Variants in PTK2 observed in about 807,000 individuals in gnomAD.
PTK2 encodes the protein protein tyrosine kinase 2, also known as focal adhesion kinase 1.
A neutral mutation model predicts 150.1 loss-of-function variants in PTK2; 45 were observed. The ratio of observed to expected loss-of-function variants is 0.30; its 90% CI spans 0.24 to 0.38. The LOEUF is 0.38. Among genes scored for constraint, PTK2 ranks in the 10% least tolerant of loss-of-function variants. The probability of loss-of-function intolerance (pLI) is 1.00; values close to 1 mark genes in which losing one functional copy is unlikely to be tolerated. For synonymous variants in PTK2, 432 were observed against 449.2 expected, an observed-to-expected ratio of 0.96 and a Z score of 0.48; for missense variants, 919 against 1,307.3, an observed-to-expected ratio of 0.70 and a Z score of 4.58.
intron 1 of PTK2, among the ~76,000 whole-genome samples, chr8:140,971,222 A>G (rs1361762995): frequency 1.3e-5 from 2 of 152,262 alleles, no homozygotes; most frequent in African/African-American, 2.4e-5. Flanking sequence ...GTAAAAATAT[A>G]TGGGGAGCAG....
chr8:140,774,546 G>A (rs930654440), intron 14 of PTK2, among the ~76,000 whole-genome samples: 2 of 152,080 alleles, frequency 1.3e-5, no homozygotes, highest in Admixed American at 6.6e-5. Context: ...AGAGGCATCC[G>A]ACCCAGAACA....
chr8:140,816,286 T>C (rs970371820), intron 10 of PTK2, among the ~76,000 whole-genome samples: 11 of 152,312 alleles, frequency 7.2e-5, no homozygotes, highest in African/African-American at 2.6e-4. Context: ...ATGGAAGACC[T>C]ATCTGAAAAA....
intron 13 of PTK2, among the ~76,000 whole-genome samples, chr8:140,793,084 T>C (rs1257964869): frequency 1.3e-5 from 2 of 152,192 alleles, no homozygotes; most frequent in East Asian, 1.9e-4. Flanking sequence ...AGCAATAACA[T>C]ATGAAGCAAA....
chr8:140,857,381 G>A (rs1441818616), intron 5 of PTK2, among the ~76,000 whole-genome samples: 1 of 152,034 alleles, frequency 6.6e-6, no homozygotes, highest in Non-Finnish European at 1.5e-5. Flanking sequence ...TCAGCTCCTC[G>A]AATCTCCAAG....
intron 4 of PTK2, among the ~76,000 whole-genome samples, chr8:140,873,439 G>C (rs117811129): frequency 0.034 from 5,221 of 151,628 alleles, 122 homozygotes; most frequent in Non-Finnish European, 0.054. Context: ...TGTCTCTTGT[G>C]TATCTATTAC....
intron 22 of PTK2, among the ~76,000 whole-genome samples, chr8:140,720,176 C>T (rs2100042112): frequency 6.6e-6 from 1 of 151,972 alleles, no homozygotes; most frequent in African/African-American, 2.4e-5. Context: ...CAAAGCACAG[C>T]AATGCTTTCT....
chr8:140,669,312 T>C (rs906120314), intron 29 of PTK2: 73 of 120,652 alleles, frequency 6.1e-4, no homozygotes, highest in African/African-American at 2.5e-3. Flanking sequence ...TATATATATA[T>C]ATATATATAT....
At chr8:140,772,769 T>C (rs2100076254) in intron 14 of PTK2, among the ~76,000 whole-genome samples, 1 of 152,088 alleles carries the variant, frequency 6.6e-6, no homozygotes, top group Non-Finnish European at 1.5e-5. Flanking sequence ...AAAATATAAA[T>C]ATAGTGAAAT....
At chr8:140,830,581 G>T in intron 7 of PTK2, 55 bp from the exon 8 acceptor site, 6 of 1,039,754 alleles carry the variant, frequency 5.8e-6, no homozygotes, top group Non-Finnish European at 8.4e-6. Context: ...CAATTAATAT[G>T]ACAAACTTGC....
intron 18 of PTK2, among the ~76,000 whole-genome samples, chr8:140,745,406 G>C (rs992274199): frequency 6.6e-6 from 1 of 152,180 alleles, no homozygotes; most frequent in Non-Finnish European, 1.5e-5. Context: ...TAATTGATGA[G>C]AGAAATATTT....
chr8:140,742,009 G>A (rs920301638), intron 20 of PTK2, among the ~76,000 whole-genome samples: 1 of 152,160 alleles, frequency 6.6e-6, no homozygotes, highest in African/African-American at 2.4e-5. Context: ...GGTGGCGCAC[G>A]CCCGTAGTAC....
At chr8:140,675,657 T>C (rs552698304) in intron 27 of PTK2, 158 bp from the exon 31 acceptor site, 2 of 600,634 alleles carry the variant, frequency 3.3e-6, no homozygotes, top group Middle Eastern at 3.3e-4. Flanking sequence ...TCAGTTGGGG[T>C]GGGGGATCAG....
At chr8:140,767,404 T>G (rs2154554578) in intron 14 of PTK2, among the ~76,000 whole-genome samples, 1 of 152,268 alleles carries the variant, frequency 6.6e-6, no homozygotes, top group Middle Eastern at 3.4e-3. Flanking sequence ...ATCAACAATG[T>G]TGCAGGTAAA....
At chr8:140,900,032 C>T (rs562710157) in intron 2 of PTK2, among the ~76,000 whole-genome samples, 13 of 152,130 alleles carry the variant, frequency 8.5e-5, no homozygotes, top group African/African-American at 2.4e-4. Context: ...CTTTCCTCTG[C>T]GATCTGAAAC....
At chr8:140,884,631 T>C (rs7834031) in intron 3 of PTK2, among the ~76,000 whole-genome samples, 105 of 152,306 alleles carry the variant, frequency 6.9e-4, no homozygotes, top group Non-Finnish European at 1.2e-3. Context: ...TCCAGGCACC[T>C]ACCTATGGCC....
intron 14 of PTK2, among the ~76,000 whole-genome samples, chr8:140,787,805 G>T (rs187848877): frequency 1.3e-5 from 2 of 152,176 alleles, no homozygotes; most frequent in Non-Finnish European, 2.9e-5. Flanking sequence ...AGTCCCCGGG[G>T]CTCATCCCAA....
intron 1 of PTK2, among the ~76,000 whole-genome samples, chr8:140,926,133 G>T (rs1382445601): frequency 5.3e-5 from 8 of 152,150 alleles, no homozygotes; most frequent in Non-Finnish European, 7.4e-5. Context: ...CATGCAGTCT[G>T]GCTACAGAGT....
At chr8:140,687,837 T>TA (rs1397296424) in intron 26 of PTK2, among the ~76,000 whole-genome samples, 2 of 152,004 alleles carry the variant, frequency 1.3e-5, no homozygotes, top group Non-Finnish European at 2.9e-5. Flanking sequence ...GGCTCAGAGG[T>TA]AAAAACAAAC....
chr8:140,982,182 T>C (rs898723191), intron 1 of PTK2, among the ~76,000 whole-genome samples: 3 of 152,176 alleles, frequency 2.0e-5, no homozygotes, highest in Admixed American at 6.5e-5. Context: ...AGTACAGTTT[T>C]AAGAAAAGAA....
Sources: allele counts gnomAD v4.1 joint callset (sites outside exome capture counted in the v4.1 genomes callset), GRCh38; gene constraint gnomAD v4.1.1; transcripts MANE v1.5; gene names NCBI Gene and HGNC (gene_info 2026-07-23, HGNC 2026-07-21).